NBEA: variants seen among roughly 807,000 people sequenced by gnomAD.
NBEA encodes neurobeachin, also known as lysosomal-trafficking regulator 2.
A neutral mutation model predicts 343.4 loss-of-function variants in NBEA; 44 were observed. The ratio of observed to expected loss-of-function variants is 0.13; its 90% CI spans 0.10 to 0.16. NBEA has a LOEUF of 0.16. NBEA is among the 10% of genes least tolerant of loss of function. The probability of loss-of-function intolerance (pLI) is 1.00; values close to 1 mark genes in which losing one functional copy is unlikely to be tolerated. For missense variants in NBEA, 2,555 were observed against 3,631.3 expected (o/e 0.70, Z 7.62); for synonymous variants, 1,175 against 1,238.7 (o/e 0.95, Z 1.08).
intron 18 of NBEA, 146 bp downstream of exon 18, chr13:35,142,523 C>T: frequency 2.2e-6 from 1 of 457,056 alleles, no homozygotes; most frequent in Non-Finnish European, 3.8e-6. Flanking sequence ...TGAATATATA[C>T]CTTATATTTT....
At chr13:35,432,083 A>ACTT (rs747362250) in intron 38 of NBEA, among the ~76,000 whole-genome samples, 186 bp from the exon 39 acceptor site, 1 of 151,318 alleles carries the variant, frequency 6.6e-6, no homozygotes, top group Non-Finnish European at 1.5e-5. Flanking sequence ...AGTCTTTTTC[A>ACTT]CTTGTAGAGG....
chr13:35,394,789 A>G (rs1244650086), intron 38 of NBEA, among the ~76,000 whole-genome samples: 1 of 152,040 alleles, frequency 6.6e-6, no homozygotes, highest in Non-Finnish European at 1.5e-5. Flanking sequence ...TTCTACTTAT[A>G]TTAGGCTTAC....
intron 39 of NBEA, among the ~76,000 whole-genome samples, chr13:35,436,040 A>G (rs1227594600): frequency 6.6e-6 from 1 of 152,048 alleles, no homozygotes; most frequent in African/African-American, 2.4e-5. Flanking sequence ...AAGCAATATA[A>G]TATTGTGGGA....
At chr13:35,058,964 C>G in intron 8 of NBEA, 101 bp downstream of exon 8, 1 of 1,005,832 alleles carries the variant, frequency 9.9e-7, no homozygotes, top group Non-Finnish European at 1.3e-6. Flanking sequence ...GTTTAAGAGT[C>G]ATTTCTATTT....
chr13:35,424,331 C>A (rs1177937483), intron 38 of NBEA, among the ~76,000 whole-genome samples: 1 of 152,108 alleles, frequency 6.6e-6, no homozygotes, highest in Non-Finnish European at 1.5e-5. Context: ...CCCATCAATA[C>A]CTAATTTATT....
chr13:35,045,131 A>G (rs1186019410), intron 3 of NBEA, 84 bp downstream of exon 3: 33 of 1,264,298 alleles, frequency 2.6e-5, no homozygotes, highest in Non-Finnish European at 3.5e-5. Flanking sequence ...AGAGCTATAT[A>G]CTTGAATTTA....
At chr13:35,201,115 A>T (rs2072992359) in intron 31 of NBEA, among the ~76,000 whole-genome samples, 1 of 152,032 alleles carries the variant, frequency 6.6e-6, no homozygotes, top group Non-Finnish European at 1.5e-5. Context: ...AATTTTCTAC[A>T]TCTAGCCACT....
At chr13:35,110,684 C>T in intron 12 of NBEA, 126 bp from the exon 13 acceptor site, 1 of 564,158 alleles carries the variant, frequency 1.8e-6, no homozygotes, top group Non-Finnish European at 2.8e-6. Flanking sequence ...TTATTTTTAA[C>T]CTCATAATAA....
intron 49 of NBEA, among the ~76,000 whole-genome samples, chr13:35,640,915 T>G (rs1426864921): frequency 6.6e-6 from 1 of 152,170 alleles, no homozygotes; most frequent in Non-Finnish European, 1.5e-5. Context: ...AACCTACCTA[T>G]TTCTCGGTGA....
At chr13:35,189,710 A>G (rs190904358) in intron 30 of NBEA, among the ~76,000 whole-genome samples, 1 of 152,202 alleles carries the variant, frequency 6.6e-6, no homozygotes, top group Admixed American at 6.6e-5. Flanking sequence ...CGGGAAGAGC[A>G]AAGTAAGAAC....
chr13:35,475,099 C>G, intron 41 of NBEA: 1 of 1,614,152 alleles, frequency 6.2e-7, no homozygotes, highest in Non-Finnish European at 8.5e-7. Context: ...CAGGATCTCT[C>G]TTGCCAGTCG....
intron 18 of NBEA, among the ~76,000 whole-genome samples, chr13:35,152,307 A>G (rs903734035): frequency 1.3e-5 from 2 of 152,222 alleles, no homozygotes; most frequent in African/African-American, 4.8e-5. Context: ...AAATTATAGA[A>G]TTTCAGAGGT....
At chr13:35,258,084 G>A (rs2152795309) in intron 34 of NBEA, among the ~76,000 whole-genome samples, 1 of 150,278 alleles carries the variant, frequency 6.7e-6, no homozygotes, top group African/African-American at 2.4e-5. Context: ...TTTTCCTAAT[G>A]TTTCATGAAT....
intron 10 of NBEA, among the ~76,000 whole-genome samples, chr13:35,083,446 G>A (rs896901635): frequency 5.3e-5 from 8 of 152,090 alleles, no homozygotes; most frequent in African/African-American, 1.4e-4. Context: ...GAGAGTGGGG[G>A]CCAATATTCA....
chr13:35,652,793 C>T (rs1172449146), intron 53 of NBEA, among the ~76,000 whole-genome samples: 1 of 126,020 alleles, frequency 7.9e-6, no homozygotes, highest in Non-Finnish European at 1.6e-5. Flanking sequence ...CTCCCGGGTT[C>T]ACGCCATTCT....
chr13:35,031,629 A>G (rs1246573602), intron 1 of NBEA, among the ~76,000 whole-genome samples: 1 of 151,484 alleles, frequency 6.6e-6, no homozygotes, highest in Admixed American at 6.6e-5. Context: ...CATGCTCCCA[A>G]CAATTTTATT....
intron 39 of NBEA, among the ~76,000 whole-genome samples, chr13:35,449,594 A>G (rs1270376607): frequency 6.6e-6 from 1 of 152,208 alleles, no homozygotes; most frequent in African/African-American, 2.4e-5. Context: ...TGCAAGCTCT[A>G]TATTTCTGTT....
chr13:35,392,905 G>A (rs1350211076), intron 38 of NBEA, among the ~76,000 whole-genome samples: 1 of 152,158 alleles, frequency 6.6e-6, no homozygotes, highest in Non-Finnish European at 1.5e-5. Context: ...GGTCCAAATA[G>A]GACACATTGT....
chr13:35,165,437 C>T (rs1178949356), intron 24 of NBEA, among the ~76,000 whole-genome samples: 1 of 152,106 alleles, frequency 6.6e-6, no homozygotes. Context: ...AGGAGGAATG[C>T]AACAGAGCAA....
Sources: allele counts gnomAD v4.1 joint callset (sites outside exome capture counted in the v4.1 genomes callset), GRCh38; gene constraint gnomAD v4.1.1; transcripts MANE v1.5; gene names NCBI Gene and HGNC (gene_info 2026-07-23, HGNC 2026-07-21).